TNS1: variants seen among roughly 807,000 people sequenced by gnomAD.
The protein encoded by TNS1 is tensin 1.
In TNS1, 62 loss-of-function variants were observed where a neutral mutation model predicts 168.6. The observed-to-expected ratio is 0.37, with a 90% CI of 0.30 to 0.45. The LOEUF is 0.45. TNS1 is among the 20% of genes least tolerant of loss of function. TNS1 has a pLI of 1.00. For missense variants in TNS1, 2,240 were observed against 2,339.4 expected (o/e 0.96, Z 0.88); for synonymous variants, 934 against 933.2 (o/e 1.00, Z -0.02).
In TNS1 at chr2:217,983,862, T is replaced by A. The variant is rs138308683; in HGVS notation, c.149-5060A>T. ...GTGGTTAATTTAATGAATCAACTTGTCTAGGCCACGGTACCTAGATATTCG... is the reference window on the plus strand; with the variant it reads ...GTGGTTAATTTAATGAATCAACTTGACTAGGCCACGGTACCTAGATATTCG... On this transcript the variant is annotated intron_variant, in intron 2 of 32. Transcript: ENST00000682258. Among the ~76,000 whole-genome samples, 566 of 152,332 alleles carry A rather than the reference T, an allele frequency of 3.7e-3. 4 individuals carry two copies. The highest frequency in any genetic ancestry group is 0.012 in the African/African-American group (519 of 41,564).
intron 23 of TNS1, 41 bp downstream of exon 23, chr2:217,821,699 C>T: frequency 7.1e-7 from 1 of 1,407,562 alleles, no homozygotes; most frequent in Non-Finnish European, 9.3e-7. Context: ...AGTCCCAGGC[C>T]CGGATTCCCA....
At chr2:217,921,416 C>T (rs995324882) in intron 3 of TNS1, among the ~76,000 whole-genome samples, 2 of 152,200 alleles carry the variant, frequency 1.3e-5, no homozygotes, top group Non-Finnish European at 2.9e-5. Context: ...CAGCCCAGCC[C>T]CAGCTGGTAC....
chr2:217,831,596 A>T (rs1251595180), intron 21 of TNS1, 49 bp from the exon 22 acceptor site: 1 of 1,400,886 alleles, frequency 7.1e-7, no homozygotes, highest in Non-Finnish European at 9.4e-7. Flanking sequence ...GGTGGGCAGG[A>T]GGGCAGACAC....
intron 3 of TNS1, among the ~76,000 whole-genome samples, chr2:217,934,955 C>T (rs778066521): frequency 7.2e-5 from 11 of 152,256 alleles, no homozygotes; most frequent in Non-Finnish European, 1.2e-4. Context: ...CTTCTCATTT[C>T]GCAATTGAGG....
chr2:217,907,049 G>A (rs183316600), intron 5 of TNS1, among the ~76,000 whole-genome samples, 161 bp downstream of exon 5: 193 of 152,148 alleles, frequency 1.3e-3, no homozygotes, highest in African/African-American at 4.5e-3. Context: ...CCCAGAGTCA[G>A]CAGCCGCCCC....
At chr2:217,901,600 T>C (rs532563227) in intron 6 of TNS1, 1 of 152,344 alleles carries the variant, frequency 6.6e-6, no homozygotes, top group Non-Finnish European at 1.5e-5. Context: ...AACACCCATG[T>C]GCCTCTCAGA....
intron 1 of TNS1, among the ~76,000 whole-genome samples, chr2:218,020,505 G>A (rs1383884570): frequency 6.6e-6 from 1 of 151,928 alleles, no homozygotes; most frequent in Admixed American, 6.6e-5. Context: ...AGCTGCCTGG[G>A]GAACCACCGA....
chr2:217,985,146 TC>T (rs1387115555), intron 2 of TNS1, among the ~76,000 whole-genome samples: 1 of 151,918 alleles, frequency 6.6e-6, no homozygotes, highest in East Asian at 1.9e-4. Context: ...ATTCTTCTTT[TC>T]CCAAGGTGCC....
intron 1 of TNS1, among the ~76,000 whole-genome samples, chr2:217,993,537 C>T (rs1248323990): frequency 6.6e-6 from 1 of 152,198 alleles, no homozygotes; most frequent in East Asian, 1.9e-4. Context: ...CCAACCCAAA[C>T]TAAGGGACAA....
intron 3 of TNS1, among the ~76,000 whole-genome samples, chr2:217,975,866 A>G (rs546219782): frequency 6.6e-6 from 1 of 152,274 alleles, no homozygotes; most frequent in African/African-American, 2.4e-5. Context: ...CAACATCAGC[A>G]GCCTCTTGGC....
At position 217,957,428 on chromosome 2, in the gene TNS1, G is replaced by C. The variant is rs13395860; in HGVS notation, c.186+21337C>G. Among the ~76,000 whole-genome samples the C allele has an allele frequency of 5.4e-3, 824 of 152,308 alleles. 4 individuals are homozygous for C. Among genetic ancestry groups the C allele is most frequent in the African/African-American group, 0.019 (804 of 41,560 alleles). On this transcript the variant is annotated intron_variant, in intron 3 of 32. Transcript: ENST00000682258. Reference sequence around the variant, plus strand: ...GGACTGGCAGGCTAAGGCTGTACATGAGAGGGAGCCGACACTGGACTCCTG... The same window carrying C: ...GGACTGGCAGGCTAAGGCTGTACATCAGAGGGAGCCGACACTGGACTCCTG...
chr2:218,024,915 C>T (rs1327545843), intron 1 of TNS1, among the ~76,000 whole-genome samples: 1 of 152,266 alleles, frequency 6.6e-6, no homozygotes, highest in East Asian at 1.9e-4. Flanking sequence ...GGGATCAGCC[C>T]CCTAGTCCAA....
In TNS1 at chr2:217,930,621, G is replaced by A. The variant is rs1217637213; in HGVS notation, c.187-10385C>T. On this transcript the variant is annotated intron_variant, in intron 3 of 32. Coordinates refer to ENST00000682258, the MANE Select transcript of TNS1 (RefSeq NM_001387777.1). ...AGCCCGAGAGTCCAGCCTGGAAGAGGCTCTGAGCTGGTCAGGGAGCAGAGG... is the reference window on the plus strand; with the variant it reads ...AGCCCGAGAGTCCAGCCTGGAAGAGACTCTGAGCTGGTCAGGGAGCAGAGG... 3.9e-5 allele frequency among the ~76,000 whole-genome samples: 6 copies of A among 152,222 alleles called. No homozygotes were observed. In the East Asian group the frequency reaches 1.2e-3, roughly 29 times the overall value.
chr2:217,851,300 C>T (rs906544583), intron 18 of TNS1, among the ~76,000 whole-genome samples: 1 of 152,116 alleles, frequency 6.6e-6, no homozygotes, highest in Non-Finnish European at 1.5e-5. Context: ...CTGACAGAAG[C>T]CCATGGCCAA....
chr2:217,900,336 G>T, intron 7 of TNS1, 127 bp downstream of exon 7: 7 of 1,072,888 alleles, frequency 6.5e-6, no homozygotes, highest in Non-Finnish European at 9.4e-6. Flanking sequence ...TTTCACGTTT[G>T]CCCACACTCC....
At position 217,906,762 on chromosome 2, in the gene TNS1, C is replaced by T. The variant is rs775985156; in HGVS notation, c.271-377G>A. Reference sequence around the variant, plus strand: ...CTGGCCATCGCCAGGAGATCTCTCTCGGTAGCTAACCTCAGTTTCCCCATG... The same window carrying T: ...CTGGCCATCGCCAGGAGATCTCTCTTGGTAGCTAACCTCAGTTTCCCCATG... On this transcript the variant is annotated intron_variant, in intron 5 of 32. Coordinates refer to ENST00000682258, the MANE Select transcript of TNS1 (RefSeq NM_001387777.1). Among the ~76,000 whole-genome samples the T allele has an allele frequency of 5.3e-5, 8 of 152,170 alleles. No homozygotes were observed. The East Asian group carries it at 1.2e-3, about 22-fold the overall frequency.
rs1941268727 is a variant in TNS1, at chr2:217,813,122, C to T, written c.4954+93G>A. ...GACAAGGGTGACTGGCAGAGCCTGT[C>T]AGAAAGAACTTGGGGTCAGACCCCT... On this transcript the variant is annotated intron_variant, in intron 27 of 32. Coordinates refer to ENST00000682258, the MANE Select transcript of TNS1 (RefSeq NM_001387777.1). The surrounding 1 kb of genome is among the most constrained non-coding windows in gnomAD (Gnocchi z 4.0). 9.4e-6 allele frequency: 8 copies of T among 853,584 alleles called. No homozygotes were observed. In the South Asian group the frequency reaches 1.2e-4, roughly 13 times the overall value. The allele number at this position is 853,584 out of a possible 1,614,324, so 52.9% of individuals were successfully genotyped here.
intron 19 of TNS1, among the ~76,000 whole-genome samples, chr2:217,837,079 G>A (rs1253878628): frequency 2.0e-5 from 3 of 152,072 alleles, no homozygotes; most frequent in Admixed American, 2.0e-4. Flanking sequence ...CTCACTTCCT[G>A]GGTCCCAGAG....
chr2:218,015,000 G>A (rs1319374435), upstream of TNS1, among the ~76,000 whole-genome samples: 2 of 152,176 alleles, frequency 1.3e-5, no homozygotes, highest in Non-Finnish European at 2.9e-5. Flanking sequence ...CCCACAGCTG[G>A]ATTATGGGCC....
Sources: allele counts gnomAD v4.1 joint callset (sites outside exome capture counted in the v4.1 genomes callset), GRCh38; gene constraint gnomAD v4.1.1; non-coding constraint Gnocchi (gnomAD v3.1); transcripts MANE v1.5; gene names NCBI Gene and HGNC (gene_info 2026-07-23, HGNC 2026-07-21).